The following SLA2 variants were observed in gnomAD, a reference collection of about 807,000 sequenced individuals.
The protein encoded by SLA2 is src-like-adapter 2.
Under a neutral mutation model 27.3 loss-of-function variants are expected in SLA2, and 22 were observed. The observed-to-expected ratio is 0.81, with a 90% CI of 0.58 to 1.15. The LOEUF is 1.15. Ranked by LOEUF, SLA2 falls within the 50% of genes most tolerant of loss-of-function variation. SLA2 has a pLI of 0.00. For synonymous variants in SLA2, 131 were observed against 137.8 expected (o/e 0.95, Z 0.34); for missense variants, 304 against 322.2 (o/e 0.94, Z 0.43).
chr20:36,640,469 T>C (rs1252099250), intron 2 of SLA2, among the ~76,000 whole-genome samples: 2 of 152,028 alleles, frequency 1.3e-5, no homozygotes, highest in African/African-American at 4.8e-5. Flanking sequence ...ACGTGTGCTA[T>C]TGAGCACTTA....
rs2039504504 is a variant in SLA2 at position 36,641,324 on chromosome 20, C to A, written c.12G>T (p.Leu4=). 1 of 1,613,806 alleles carries A rather than the reference C, an allele frequency of 6.2e-7. No individual in the cohort carries two copies. The highest frequency in any genetic ancestry group is 1.3e-5 in the African/African-American group (1 of 74,930). The change falls in exon 2 of 8, where the codon CTG becomes CTT. Residue 4 remains leucine, a synonymous_variant. Transcript: ENST00000262866. The stretch of plus-strand genomic sequence containing the variant: ...TTGGCAGAGATTTTCTTCTGCTGGG[C>A]AGACTTCCCATTGTTCCTCAGCAGA... MGS[L]PSRRKSLPSP...
In SLA2 at chr20:36,613,422, C is replaced by T. The variant is rs544691785; in HGVS notation, c.*444G>A. On this transcript the variant is annotated 3_prime_UTR_variant, in exon 8 of 8. Coordinates refer to ENST00000262866, the MANE Select transcript of SLA2 (RefSeq NM_032214.4). ...TTCTGAGGTATGGTGGTGGTCTCAA[C>T]GAGACTTGTAGATTTTCTGAAAATG... 3.2e-5 allele frequency: 5 copies of T among 156,310 alleles called. No individual in the cohort carries two copies. Among genetic ancestry groups the T allele is most frequent in the South Asian group, 1.9e-4 (1 of 5,206 alleles). 9.7% of individuals were successfully genotyped at this position (156,310 alleles called of 1,614,324 possible).
intron 5 of SLA2, among the ~76,000 whole-genome samples, chr20:36,619,924 G>A (rs1408754425): frequency 6.6e-6 from 1 of 150,900 alleles, no homozygotes; most frequent in African/African-American, 2.4e-5. Flanking sequence ...GAGCCACCGT[G>A]CCTGGCCAAA....
intron 5 of SLA2, among the ~76,000 whole-genome samples, chr20:36,624,333 C>G (rs1424204638): frequency 1.3e-5 from 2 of 152,138 alleles, no homozygotes; most frequent in Non-Finnish European, 2.9e-5. Flanking sequence ...CTCCCCTCAT[C>G]CTGTCTTCCC....
chr20:36,628,592 C>T (rs1325484852), intron 5 of SLA2, among the ~76,000 whole-genome samples: 1 of 152,116 alleles, frequency 6.6e-6, no homozygotes, highest in East Asian at 1.9e-4. Flanking sequence ...GTCACCCAGG[C>T]TGGAGTCCAG....
intron 5 of SLA2, among the ~76,000 whole-genome samples, chr20:36,617,582 G>A (rs2039229141): frequency 6.6e-6 from 1 of 152,026 alleles, no homozygotes; most frequent in African/African-American, 2.4e-5. Flanking sequence ...AATGGGCCGG[G>A]CGCGGTGGCT....
At chr20:36,614,503 C>A in intron 6 of SLA2, 66 bp from the exon 7 acceptor site, 1 of 1,529,262 alleles carries the variant, frequency 6.5e-7, no homozygotes, top group Non-Finnish European at 8.8e-7. Context: ...CAGCCCTCAC[C>A]CTGACAGCCC....
In SLA2 at chr20:36,612,508, A is replaced by G; in HGVS notation, c.*1358T>C. The G allele has an allele frequency of 4.4e-6, 2 of 449,970 alleles. No individual in the cohort carries two copies. The highest frequency in any genetic ancestry group is 4.9e-5 in the South Asian group (2 of 40,454). The allele number at this position is 449,970 out of a possible 1,614,324, so 27.9% of individuals were successfully genotyped here. On this transcript the variant is annotated 3_prime_UTR_variant, in exon 8 of 8. Coordinates refer to ENST00000262866, the MANE Select transcript of SLA2 (RefSeq NM_032214.4). ...CATGCAGCATCTAATAAGAGTTTCC[A>G]TTGTAGAATGTTTTCACATACTTGA...
chr20:36,632,942 T>G (rs988778354), intron 4 of SLA2, among the ~76,000 whole-genome samples: 4 of 152,160 alleles, frequency 2.6e-5, no homozygotes, highest in African/African-American at 9.7e-5. Context: ...TTTCTCTGCC[T>G]GGAGACCTCA....
At chr20:36,639,856 G>A (rs1382034807) in intron 2 of SLA2, among the ~76,000 whole-genome samples, 9 of 150,770 alleles carry the variant, frequency 6.0e-5, no homozygotes, top group Admixed American at 3.3e-4. Flanking sequence ...GTGAGACTCC[G>A]TCTCAAAAAA....
intron 1 of SLA2, among the ~76,000 whole-genome samples, chr20:36,642,836 C>T (rs977848504): frequency 3.3e-5 from 5 of 152,166 alleles, no homozygotes; most frequent in Non-Finnish European, 7.3e-5. Context: ...CCGCCCTCCT[C>T]GGTCTGCCAA....
intron 5 of SLA2, among the ~76,000 whole-genome samples, chr20:36,632,253 C>T (rs148777001): frequency 2.2e-4 from 33 of 152,280 alleles, no homozygotes; most frequent in African/African-American, 7.7e-4. Context: ...CCCACCCCAG[C>T]ACCACTGTGT....
chr20:36,627,163 G>A (rs955233610), intron 5 of SLA2, among the ~76,000 whole-genome samples: 1 of 152,226 alleles, frequency 6.6e-6, no homozygotes, highest in Non-Finnish European at 1.5e-5. Flanking sequence ...CTGGTGGGCA[G>A]AGGGTCCAGA....
chr20:36,617,579 C>T (rs890952271), intron 5 of SLA2, among the ~76,000 whole-genome samples: 18 of 151,734 alleles, frequency 1.2e-4, no homozygotes, highest in African/African-American at 3.9e-4. Context: ...GTTAATGGGC[C>T]GGGCGCGGTG....
Position 36,634,472 on chromosome 20 carries a change from C to T in SLA2, c.191+18G>A. 6.4e-7 allele frequency: 1 copy of T among 1,572,222 alleles called. No individual in the cohort carries two copies. Among genetic ancestry groups the T allele is most frequent in the Non-Finnish European group, 8.7e-7 (1 of 1,147,462 alleles). On this transcript the variant is annotated intron_variant, in intron 3 of 7. Coordinates refer to ENST00000262866, the MANE Select transcript of SLA2 (RefSeq NM_032214.4). ...CTCTATTAGTGCATATTCAGGTATC[C>T]AGTGCCCATGGACTTACTCAGAGAC...
intron 1 of SLA2, among the ~76,000 whole-genome samples, chr20:36,645,285 T>G (rs887587535): frequency 2.0e-5 from 3 of 151,374 alleles, no homozygotes; most frequent in African/African-American, 7.3e-5. Flanking sequence ...GAGGATCACT[T>G]GAGCCCAGTG....
At chr20:36,623,995 A>C (rs192912443) in intron 5 of SLA2, among the ~76,000 whole-genome samples, 1 of 152,282 alleles carries the variant, frequency 6.6e-6, no homozygotes, top group African/African-American at 2.4e-5. Context: ...TATTAGAATC[A>C]GAAAGGGTAG....
intron 3 of SLA2, 60 bp downstream of exon 3, chr20:36,634,430 C>G: frequency 7.7e-7 from 1 of 1,293,108 alleles, no homozygotes; most frequent in East Asian, 2.4e-5. Context: ...GCTACAGGCA[C>G]ACACCACCAT....
intron 5 of SLA2, among the ~76,000 whole-genome samples, chr20:36,632,079 T>A (rs1249771626): frequency 6.6e-6 from 1 of 152,132 alleles, no homozygotes; most frequent in Non-Finnish European, 1.5e-5. Context: ...CTGTAATGCA[T>A]CCTCTCGTTT....
Sources: allele counts gnomAD v4.1 joint callset (sites outside exome capture counted in the v4.1 genomes callset), GRCh38; gene constraint gnomAD v4.1.1; transcripts MANE v1.5; gene names NCBI Gene and HGNC (gene_info 2026-07-23, HGNC 2026-07-21).